The following RBM44 variants were observed in gnomAD, a reference collection of about 807,000 sequenced individuals.
RBM44 encodes the protein RNA-binding protein 44.
Under a neutral mutation model 105.1 loss-of-function variants are expected in RBM44, and 66 were observed. The observed-to-expected ratio is 0.63, with a 90% CI of 0.52 to 0.77. The LOEUF (loss-of-function observed/expected upper bound fraction) is 0.77. Ranked by LOEUF, RBM44 falls within the 30% of genes least tolerant of loss-of-function variation. The probability of loss-of-function intolerance (pLI) is 0.00; values close to 1 mark genes in which losing one functional copy is unlikely to be tolerated. For synonymous variants in RBM44, 365 were observed against 417.6 expected (o/e 0.87, Z 1.54); for missense variants, 1,122 against 1,207.8 (o/e 0.93, Z 1.05).
At chr2:237,835,449 T>G (rs2061949905) in intron 15 of RBM44, among the ~76,000 whole-genome samples, 2 of 152,188 alleles carry the variant, frequency 1.3e-5, no homozygotes, top group South Asian at 4.1e-4. Flanking sequence ...AACTGGGCCT[T>G]TTGTACCAGT....
intron 10 of RBM44, among the ~76,000 whole-genome samples, chr2:237,824,634 G>A (rs910954873): frequency 2.0e-5 from 3 of 152,128 alleles, no homozygotes; most frequent in Non-Finnish European, 2.9e-5. Context: ...CCAAGATTTA[G>A]TTAACAGGTA....
intron 8 of RBM44, 70 bp from the exon 9 acceptor site, chr2:237,823,370 T>C (rs2061814067): frequency 1.4e-6 from 1 of 700,984 alleles, no homozygotes. Flanking sequence ...CAGTGAAGAG[T>C]ACCTGTCACA....
intron 1 of RBM44, among the ~76,000 whole-genome samples, chr2:237,812,792 A>G (rs1357449468): frequency 6.6e-6 from 1 of 152,036 alleles, no homozygotes; most frequent in African/African-American, 2.4e-5. Flanking sequence ...CTCTGGGATC[A>G]TTTCATGTGT....
intron 1 of RBM44, among the ~76,000 whole-genome samples, chr2:237,811,534 T>C (rs2061658135): frequency 6.6e-6 from 1 of 152,078 alleles, no homozygotes; most frequent in Admixed American, 6.6e-5. Context: ...CCTCCAAAAG[T>C]GCTAGTGTTA....
chr2:237,825,043 TG>T (rs1317787478), intron 10 of RBM44, among the ~76,000 whole-genome samples: 1 of 152,130 alleles, frequency 6.6e-6, no homozygotes, highest in Admixed American at 6.6e-5. Flanking sequence ...ATGCTTATTA[TG>T]GTTTTTTTAA....
At position 237,818,788 on chromosome 2, in the gene RBM44, T is replaced by C. The variant is rs2061751274; in HGVS notation, c.1678-113T>C. The C allele has an allele frequency of 3.0e-6, 2 of 677,572 alleles. No individual in the cohort carries two copies. Among genetic ancestry groups the C allele is most frequent in the South Asian group, 2.4e-5 (1 of 41,066 alleles). The allele number at this position is 677,572 out of a possible 1,614,324, so 42.0% of individuals were successfully genotyped here. On this transcript the variant is annotated intron_variant, in intron 3 of 15. Transcript: ENST00000316997. The surrounding 1 kb of genome is among the most constrained non-coding windows in gnomAD (Gnocchi z 4.6). ...GTGTAAATTACCACCAGTTCTATCC[T>C]CCTCTCCTGGCAGCTCCTCCCACAA...
chr2:237,808,280 C>G (rs2061619949), intron 1 of RBM44, among the ~76,000 whole-genome samples: 1 of 151,884 alleles, frequency 6.6e-6, no homozygotes, highest in Admixed American at 6.6e-5. Context: ...AAAATCCCAT[C>G]TCTACAAAAA....
intron 15 of RBM44, among the ~76,000 whole-genome samples, chr2:237,837,905 A>G (rs924930783): frequency 3.3e-5 from 5 of 151,456 alleles, no homozygotes; most frequent in African/African-American, 1.2e-4. Flanking sequence ...ACATAAACTT[A>G]GGTGACAAAG....
chr2:237,820,507 A>G, intron 5 of RBM44, 156 bp downstream of exon 5: 1 of 481,386 alleles, frequency 2.1e-6, no homozygotes, highest in Non-Finnish European at 3.7e-6. Context: ...AGAACCCTTG[A>G]GTTTCATGGA....
Position 237,798,984 on chromosome 2 carries a change from TC to T in RBM44, c.-19+126del, listed in dbSNP as rs2061515316. On this transcript the variant is annotated intron_variant, in intron 1 of 15. Coordinates refer to ENST00000316997, the MANE Select transcript of RBM44 (RefSeq NM_001080504.3). The surrounding 1 kb of genome is among the most constrained non-coding windows in gnomAD (Gnocchi z 4.3). ...TGGCCGGTCCCGGCGGCGAGGCCCG[TC>T]CCGCTGAAGCACGCGGGGACTCCGA... The T allele has an allele frequency of 6.6e-6, 1 of 152,124 alleles. No homozygotes were observed. Among genetic ancestry groups the T allele is most frequent in the Admixed American group, 6.6e-5 (1 of 15,266 alleles). The allele number at this position is 152,124 out of a possible 1,614,324, so 9.4% of individuals were successfully genotyped here.
At chr2:237,831,821 G>C (rs902555059) in intron 13 of RBM44, among the ~76,000 whole-genome samples, 77 of 152,052 alleles carry the variant, frequency 5.1e-4, no homozygotes, top group African/African-American at 1.6e-3. Flanking sequence ...TCATCTCAGT[G>C]ACCCTTCATG....
chr2:237,834,373 C>G lies in RBM44; in HGVS notation c.3128C>G (p.Ser1043Cys), dbSNP rs766575994. Reference protein sequence around the residue: ...SITTIVEMTSSLLKNSASS With the variant: ...SITTIVEMTSCLLKNSASS ...ACTACTATTGTGGAGATGACTTCAT[C>G]TCTTCTGAAAAACTCTGCTTCCAGT... The change falls in exon 15 of 16, where the codon TCT (serine) becomes TGT (cysteine). Residue 1043 changes from serine to cysteine, a missense_variant. Physicochemically the swap from Ser to Cys is moderately radical, Grantham distance 112. Transcript: ENST00000316997. 1 of 1,534,984 alleles carries G rather than the reference C, an allele frequency of 6.5e-7. No homozygotes were observed. The highest frequency in any genetic ancestry group is 1.4e-5 in the African/African-American group (1 of 72,508).
intron 2 of RBM44, 89 bp from the exon 3 acceptor site, chr2:237,816,904 A>G (rs918511297): frequency 1.3e-6 from 1 of 761,704 alleles, no homozygotes. Context: ...CCGCATTGGG[A>G]AGAGCTTAAA....
In RBM44 at chr2:237,817,200, T is replaced by A. The variant is rs746695343; in HGVS notation, c.281T>A (p.Phe94Tyr). The change falls in exon 3 of 16, where the codon TTT becomes TAT. Residue 94 changes from phenylalanine to tyrosine, a missense_variant. Physicochemically the swap from Phe to Tyr is conservative, Grantham distance 22. Transcript: ENST00000316997. ...SQDTNTESTQFQSSELEDSTD... is the reference protein window; with the variant it reads ...SQDTNTESTQYQSSELEDSTD... ...GATACTAACACAGAGAGTACTCAGT[T>A]TCAGTCAAGTGAACTTGAAGACAGT... is the stretch of plus-strand genomic sequence containing the variant. 3 of 1,601,722 alleles carry A rather than the reference T, an allele frequency of 1.9e-6. No individual in the cohort carries two copies. Among genetic ancestry groups the A allele is most frequent in the Non-Finnish European group, 2.6e-6 (3 of 1,174,990 alleles).
At position 237,834,099 on chromosome 2, in the gene RBM44, A is replaced by G. The variant is rs1011483397; in HGVS notation, c.2989A>G (p.Lys997Glu). The G allele has an allele frequency of 6.3e-7, 1 of 1,581,700 alleles. No individual in the cohort carries two copies. The highest frequency in any genetic ancestry group is 8.6e-7 in the Non-Finnish European group (1 of 1,161,996). Residue 997 changes from lysine (K) to glutamate (E), a missense_variant, in exon 14 of 16, where the codon AAG (lysine) becomes GAG (glutamate). By Grantham distance (56) the Lys-to-Glu change is moderately conservative. Around this residue, in one of 3 missense-constraint regions of RBM44, gnomAD observed 194 missense variants for 225.5 expected, o/e 0.86. Coordinates refer to ENST00000316997, the MANE Select transcript of RBM44 (RefSeq NM_001080504.3). ...PNTLNLRSFT[K>E]IIKRLAELHP... ...TACATTGAACCTTCGTAGCTTTACC[A>G]AGATCATAAAGAGACTGGCTGAACT...
At chr2:237,802,861 T>G (rs2061559377) in intron 1 of RBM44, among the ~76,000 whole-genome samples, 1 of 152,242 alleles carries the variant, frequency 6.6e-6, no homozygotes, top group Non-Finnish European at 1.5e-5. Flanking sequence ...TTTAACACCA[T>G]TAGAAATTGC....
chr2:237,834,078 T>C lies in RBM44; in HGVS notation c.2968T>C (p.Leu990=), dbSNP rs566242248. Residue 990 remains leucine, a synonymous_variant, in exon 14 of 16, where the codon TTG becomes CTG. Transcript: ENST00000316997. The part of the protein sequence containing the change: ...TPVQFIPPNT[L]NLRSFTKIIK... The stretch of plus-strand genomic sequence containing the variant: ...CGTTCAATTCATACCTCCAAATACA[T>C]TGAACCTTCGTAGCTTTACCAAGAT... The C allele has an allele frequency of 8.8e-6, 14 of 1,582,762 alleles. No homozygotes were observed. The highest frequency in any genetic ancestry group is 2.3e-5 in the East Asian group (1 of 44,128).
rs762020893 is a variant in RBM44, at chr2:237,824,338, G to T, written c.2368G>T (p.Glu790Ter). Reference protein sequence around the residue: ...ETSEDWSDAKESLTGVDVSGT... With the variant: ...ETSEDWSDAK ...AAGCGAAGACTGGTCTGATGCTAAAGAGAGCCTGACAGGAGTTGACGTCTC... is the reference window on the plus strand; with the variant it reads ...AAGCGAAGACTGGTCTGATGCTAAATAGAGCCTGACAGGAGTTGACGTCTC... The change falls in exon 10 of 16, where the codon GAG becomes TAG. Residue 790 changes from glutamate (E) to a stop codon, truncating the protein, a stop_gained. Coordinates refer to ENST00000316997, the MANE Select transcript of RBM44 (RefSeq NM_001080504.3). LOFTEE classifies it high-confidence loss of function. The T allele has an allele frequency of 6.2e-7, 1 of 1,613,134 alleles. No homozygotes were observed. Among genetic ancestry groups the T allele is most frequent in the Non-Finnish European group, 8.5e-7 (1 of 1,179,376 alleles).
At chr2:237,814,354 A>G (rs2061690578) in intron 2 of RBM44, among the ~76,000 whole-genome samples, 1 of 152,146 alleles carries the variant, frequency 6.6e-6, no homozygotes, top group South Asian at 2.1e-4. Flanking sequence ...AAGTTATACA[A>G]TGAAGATGTC....
Sources: gnomAD v4.1 joint callset for allele counts (sites outside exome capture counted in the v4.1 genomes callset) on GRCh38, gnomAD v4.1.1 for gene constraint, gnomAD v4.1.1 regional missense constraint, Gnocchi (gnomAD v3.1) non-coding constraint, MANE v1.5 for transcripts, NCBI Gene and HGNC (gene_info 2026-07-23, HGNC 2026-07-21) for gene names.